MAN1C1: variants seen among roughly 807,000 people sequenced by gnomAD.
MAN1C1 encodes mannosyl-oligosaccharide 1,2-alpha-mannosidase IC.
Under a neutral mutation model 71.5 loss-of-function variants are expected in MAN1C1, and 49 were observed. The observed-to-expected ratio is 0.69, with a 90% CI of 0.54 to 0.87. The LOEUF (loss-of-function observed/expected upper bound fraction) is 0.87. Among genes scored for constraint, MAN1C1 ranks in the 40% least tolerant of loss-of-function variants. MAN1C1 has a pLI of 0.00. For synonymous variants in MAN1C1, 352 were observed against 343.7 expected (o/e 1.02, Z -0.27); for missense variants, 743 against 835.0 (o/e 0.89, Z 1.36).
At chr1:25,740,200 T>A (rs985888897) in intron 2 of MAN1C1, among the ~76,000 whole-genome samples, 5 of 151,534 alleles carry the variant, frequency 3.3e-5, no homozygotes, top group African/African-American at 1.2e-4. Flanking sequence ...TTCAGCAGAG[T>A]AGCCCGCAGC....
chr1:25,767,142 C>T (rs541255698), intron 7 of MAN1C1, among the ~76,000 whole-genome samples: 30 of 150,786 alleles, frequency 2.0e-4, no homozygotes, highest in African/African-American at 5.7e-4. Context: ...TTGGGGAAGA[C>T]CACACTCGTA....
intron 1 of MAN1C1, among the ~76,000 whole-genome samples, chr1:25,655,143 C>A (rs994497455): frequency 6.6e-6 from 1 of 152,214 alleles, no homozygotes; most frequent in Non-Finnish European, 1.5e-5. Context: ...TCCTTCACCC[C>A]CAGAGATCCG....
At chr1:25,648,786 C>T (rs531222700) in intron 1 of MAN1C1, among the ~76,000 whole-genome samples, 19 of 152,330 alleles carry the variant, frequency 1.2e-4, no homozygotes, top group African/African-American at 4.6e-4. Context: ...TTCAAAAAAT[C>T]TCCTCATGTG....
chr1:25,665,225 A>G (rs573692455), intron 1 of MAN1C1, among the ~76,000 whole-genome samples: 31 of 152,314 alleles, frequency 2.0e-4, no homozygotes, highest in South Asian at 4.1e-4. Flanking sequence ...CGTTTCTGCA[A>G]TGTTGCCTGG....
At chr1:25,745,824 C>T (rs553578819) in intron 2 of MAN1C1, among the ~76,000 whole-genome samples, 1 of 152,060 alleles carries the variant, frequency 6.6e-6, no homozygotes, top group Non-Finnish European at 1.5e-5. Flanking sequence ...AACCCACTCT[C>T]TACTAAAAAT....
intron 6 of MAN1C1, 131 bp downstream of exon 6, chr1:25,758,840 G>C: frequency 1.2e-6 from 1 of 805,294 alleles, no homozygotes; most frequent in South Asian, 1.5e-5. Flanking sequence ...GGGAGCCCAA[G>C]CTACCACTAA....
At chr1:25,698,582 C>T (rs993928258) in intron 2 of MAN1C1, among the ~76,000 whole-genome samples, 2 of 152,096 alleles carry the variant, frequency 1.3e-5, no homozygotes, top group Non-Finnish European at 2.9e-5. Flanking sequence ...CAGTGAAGAC[C>T]GTCCGTGCGA....
At chr1:25,677,461 C>T (rs143644965) in intron 1 of MAN1C1, among the ~76,000 whole-genome samples, 108 of 152,216 alleles carry the variant, frequency 7.1e-4, no homozygotes, top group Middle Eastern at 3.4e-3. Context: ...GCCTGTTGCG[C>T]GTTTCTAGAA....
intron 1 of MAN1C1, among the ~76,000 whole-genome samples, chr1:25,680,207 C>T (rs1300721284): frequency 2.0e-5 from 3 of 151,846 alleles, no homozygotes; most frequent in Admixed American, 1.3e-4. Context: ...GGATTACAGG[C>T]ACCTGCCACC....
chr1:25,641,729 C>CCACT (rs2045540226), intron 1 of MAN1C1, among the ~76,000 whole-genome samples: 1 of 152,084 alleles, frequency 6.6e-6, no homozygotes, highest in Admixed American at 6.5e-5. Flanking sequence ...TCCCTTTGAC[C>CCACT]CACTTATGGA....
chr1:25,731,669 G>A (rs767859803), intron 2 of MAN1C1, among the ~76,000 whole-genome samples: 2 of 152,176 alleles, frequency 1.3e-5, no homozygotes, highest in Non-Finnish European at 2.9e-5. Context: ...AGTCTGGCAA[G>A]GGGAAGCCTG....
intron 2 of MAN1C1, among the ~76,000 whole-genome samples, chr1:25,717,878 T>A (rs960646879): frequency 4.6e-5 from 7 of 152,220 alleles, no homozygotes; most frequent in Non-Finnish European, 1.0e-4. Flanking sequence ...TTTCCGTTCT[T>A]ACCAGCAGTG....
chr1:25,617,623 C>T lies in MAN1C1; in HGVS notation c.-175C>T, dbSNP rs554380217. 2.3e-5 allele frequency: 13 copies of T among 555,220 alleles called. No homozygotes were observed. The African/African-American group carries it at 2.6e-4, about 11-fold the overall frequency. The allele number at this position is 555,220 out of a possible 1,614,324, so 34.4% of individuals were successfully genotyped here. On this transcript the variant is annotated 5_prime_UTR_variant, in exon 1 of 12. Transcript: ENST00000374332. The surrounding 1 kb of genome is among the most constrained non-coding windows in gnomAD (Gnocchi z 5.1). ...CCCCGCCTCCTCGCGGGAGGACTCG[C>T]TCCAAACTCCCTGAACTTCGGGGAC...
Position 25,769,560 on chromosome 1 carries a change from C to T in MAN1C1, c.1142-2097C>T, listed in dbSNP as rs1176608802. On this transcript the variant is annotated intron_variant, in intron 7 of 11. Transcript: ENST00000374332. The surrounding 1 kb of genome is among the most constrained non-coding windows in gnomAD (Gnocchi z 4.8). ...GCCTGGACCTTGTCACGCACACACT[C>T]CACCACCGCGTGATTGTGGCTAAAC... Among the ~76,000 whole-genome samples the T allele has an allele frequency of 6.6e-6, 1 of 152,192 alleles. No individual in the cohort carries two copies. The highest frequency in any genetic ancestry group is 2.4e-5 in the African/African-American group (1 of 41,428).
At chr1:25,759,366 T>C (rs2047331498) in intron 6 of MAN1C1, 1 of 152,622 alleles carries the variant, frequency 6.6e-6, no homozygotes. Flanking sequence ...CTCCCTCATA[T>C]GGCACTCAGG....
rs963710111 is a variant in MAN1C1 at position 25,779,102 on chromosome 1, C to T, written c.1477+778C>T. 6.6e-6 allele frequency among the ~76,000 whole-genome samples: 1 copy of T among 152,170 alleles called. No homozygotes were observed. The highest frequency in any genetic ancestry group is 2.4e-5 in the African/African-American group (1 of 41,440). On this transcript the variant is annotated intron_variant, in intron 9 of 11. Coordinates refer to ENST00000374332, the MANE Select transcript of MAN1C1 (RefSeq NM_020379.4). The surrounding 1 kb of genome is among the most constrained non-coding windows in gnomAD (Gnocchi z 4.6). ...CCAGCCCCCGTGTGGTCCCAGGAGACGCCCACCGCTCTGAGTGGTAATCCC... is the reference window on the plus strand; with the variant it reads ...CCAGCCCCCGTGTGGTCCCAGGAGATGCCCACCGCTCTGAGTGGTAATCCC...
chr1:25,651,373 C>T (rs1447468949), intron 1 of MAN1C1, among the ~76,000 whole-genome samples: 3 of 152,186 alleles, frequency 2.0e-5, no homozygotes, highest in Non-Finnish European at 4.4e-5. Flanking sequence ...CTGTAAGCCT[C>T]TCCTGAGCTC....
chr1:25,755,666 C>T (rs1327290621), intron 5 of MAN1C1, among the ~76,000 whole-genome samples: 1 of 152,196 alleles, frequency 6.6e-6, no homozygotes. Flanking sequence ...GGTGAGGTAA[C>T]TTGCCTGAGG....
rs1434704057 is a variant in MAN1C1, at chr1:25,643,069, G to A, written c.540+24732G>A. Among the ~76,000 whole-genome samples the A allele has an allele frequency of 2.6e-5, 4 of 152,026 alleles. No homozygotes were observed. In the East Asian group the frequency reaches 7.7e-4, roughly 29 times the overall value. ...CAGAGTCTAAGATGTTTAATTAGACGCTGAGACATTTCTGCATGGGTCCAT... is the reference window on the plus strand; with the variant it reads ...CAGAGTCTAAGATGTTTAATTAGACACTGAGACATTTCTGCATGGGTCCAT... On this transcript the variant is annotated intron_variant, in intron 1 of 11. Transcript: ENST00000374332.
Sources: gnomAD v4.1 joint callset for allele counts (sites outside exome capture counted in the v4.1 genomes callset) on GRCh38, gnomAD v4.1.1 for gene constraint, Gnocchi (gnomAD v3.1) non-coding constraint, MANE v1.5 for transcripts, NCBI Gene and HGNC (gene_info 2026-07-23, HGNC 2026-07-21) for gene names.